Variants in SYT2 observed in about 807,000 individuals in gnomAD.
SYT2 encodes synaptotagmin 2.
In SYT2, 15 loss-of-function variants were observed where a neutral mutation model predicts 39.9. That is an observed-to-expected ratio of 0.38 (90% CI 0.25 to 0.58). The LOEUF (loss-of-function observed/expected upper bound fraction) is 0.58, where lower values mean the gene tolerates loss of function less well. SYT2 is among the 20% of genes least tolerant of loss of function. SYT2 has a pLI of 0.70. For missense variants in SYT2, 389 were observed against 530.3 expected (o/e 0.73, Z 2.62); for synonymous variants, 181 against 204.5 (o/e 0.89, Z 0.98).
In SYT2 at chr1:202,596,308, TACAC is replaced by T. The variant is rs60259163; in HGVS notation, c.*445_*448del. On this transcript the variant is annotated 3_prime_UTR_variant, in exon 9 of 9. Coordinates refer to ENST00000367268, the MANE Select transcript of SYT2 (RefSeq NM_177402.5). Reference sequence around the variant, plus strand: ...ACACACACACACACACACACACACATACACACACACACACACACACACACACACG... The same window carrying T: ...ACACACACACACACACACACACACATACACACACACACACACACACACACG... 13 of 88,032 alleles carry T rather than the reference TACAC, an allele frequency of 1.5e-4. No homozygotes were observed. The highest frequency in any genetic ancestry group is 3.0e-4 in the African/African-American group (9 of 29,700). The allele number at this position is 88,032 out of a possible 1,614,324, so 5.5% of individuals were successfully genotyped here.
At chr1:202,605,491 T>G (rs1572616229) in intron 2 of SYT2, 104 bp downstream of exon 2, 1 of 1,147,622 alleles carries the variant, frequency 8.7e-7, no homozygotes, top group East Asian at 2.4e-5. Context: ...ATCTAAGCAT[T>G]AGGAAAGAGC....
At position 202,699,155 on chromosome 1, in the gene SYT2, T is replaced by C. The variant is rs201323902; in HGVS notation, c.-18+11103A>G. Among the ~76,000 whole-genome samples, 29 of 152,026 alleles carry C rather than the reference T, an allele frequency of 1.9e-4. No homozygotes were observed. In the East Asian group the frequency reaches 5.2e-3, roughly 27 times the overall value. On this transcript the variant is annotated intron_variant, in intron 1 of 8. Transcript: ENST00000367268. ...CTCTTACCTCAGCCTCCCATGTAGC[T>C]GGGAATACAAGCATGCCACCACGTC...
chr1:202,650,986 G>A (rs370153195), intron 1 of SYT2, among the ~76,000 whole-genome samples: 1 of 152,128 alleles, frequency 6.6e-6, no homozygotes, highest in Non-Finnish European at 1.5e-5. Context: ...GGAAGAAGGG[G>A]CCGGGAGTGG....
At chr1:202,648,218 G>A (rs539947203) in intron 1 of SYT2, among the ~76,000 whole-genome samples, 7 of 152,292 alleles carry the variant, frequency 4.6e-5, no homozygotes, top group East Asian at 3.9e-4. Context: ...GCAGAGTCTC[G>A]CTCTGTTGCT....
rs1690301656 is a variant in SYT2, at chr1:202,596,493, G to A, written c.*264C>T. 5.4e-6 allele frequency: 2 copies of A among 369,858 alleles called. No homozygotes were observed. The highest frequency in any genetic ancestry group is 4.4e-5 in the Admixed American group (1 of 22,560). The allele number at this position is 369,858 out of a possible 1,614,324, so 22.9% of individuals were successfully genotyped here. On this transcript the variant is annotated 3_prime_UTR_variant, in exon 9 of 9. Coordinates refer to ENST00000367268, the MANE Select transcript of SYT2 (RefSeq NM_177402.5). ...GATGTGAAGCTTTGAAAGAGTCGAG[G>A]GAACTGTGACAGGGCATGCAGCAAG...
chr1:202,629,482 C>A (rs1487977952), intron 1 of SYT2, among the ~76,000 whole-genome samples: 2 of 152,324 alleles, frequency 1.3e-5, no homozygotes, highest in African/African-American at 4.8e-5. Context: ...GGGTATCTGA[C>A]CACATCCTCC....
intron 1 of SYT2, among the ~76,000 whole-genome samples, chr1:202,702,864 G>T (rs1050228779): frequency 6.6e-6 from 1 of 152,348 alleles, no homozygotes; most frequent in Middle Eastern, 3.4e-3. Context: ...GACAAGGACA[G>T]TCCTCAGAGA....
intron 1 of SYT2, among the ~76,000 whole-genome samples, chr1:202,686,255 G>A (rs781733661): frequency 1.1e-4 from 16 of 152,136 alleles, no homozygotes; most frequent in Non-Finnish European, 1.5e-4. Context: ...CTGCAGAACC[G>A]TGAACCAAGG....
chr1:202,666,253 T>C (rs1352740680), intron 1 of SYT2, among the ~76,000 whole-genome samples: 1 of 151,920 alleles, frequency 6.6e-6, no homozygotes, highest in African/African-American at 2.4e-5. Context: ...TGCCAAACAA[T>C]TAATTTCACT....
At chr1:202,658,070 C>A (rs1376275541) in intron 1 of SYT2, among the ~76,000 whole-genome samples, 1 of 152,112 alleles carries the variant, frequency 6.6e-6, no homozygotes, top group Non-Finnish European at 1.5e-5. Context: ...TTGGGCAAGT[C>A]ACCTTTCCTC....
rs12727359 is a variant in SYT2, at chr1:202,602,984, C to T, written c.465+15G>A. 5.4e-4 allele frequency: 845 copies of T among 1,571,972 alleles called. 3 individuals are homozygous for T. Among genetic ancestry groups the T allele is most frequent in the Non-Finnish European group, 6.8e-4 (791 of 1,158,778 alleles). On this transcript the variant is annotated intron_variant, in intron 4 of 8. Transcript: ENST00000367268. The stretch of plus-strand genomic sequence containing the variant: ...TCCCCATTCCCCCACTCTGCCCCCC[C>T]ACAGCCCTGCATACCTGATTAGCCT...
At chr1:202,644,566 C>G (rs1467684803) in intron 1 of SYT2, among the ~76,000 whole-genome samples, 1 of 152,128 alleles carries the variant, frequency 6.6e-6, no homozygotes, top group African/African-American at 2.4e-5. Context: ...ACCCCATCCT[C>G]GCCCTCTCCC....
chr1:202,616,258 C>T (rs1161605299), intron 1 of SYT2, among the ~76,000 whole-genome samples: 1 of 152,160 alleles, frequency 6.6e-6, no homozygotes, highest in African/African-American at 2.4e-5. Context: ...CCTCCTGACC[C>T]CTTGTGAGTT....
chr1:202,598,059 A>G (rs972540492), intron 8 of SYT2, among the ~76,000 whole-genome samples: 2 of 152,104 alleles, frequency 1.3e-5, no homozygotes, highest in Non-Finnish European at 2.9e-5. Context: ...GTGCCCTCCC[A>G]CTGTGAGGTC....
intron 1 of SYT2, among the ~76,000 whole-genome samples, chr1:202,616,357 C>A (rs1572626792): frequency 6.6e-6 from 1 of 152,154 alleles, no homozygotes; most frequent in East Asian, 1.9e-4. Flanking sequence ...CCTGCCCTTT[C>A]TTGTGCCTAA....
intron 1 of SYT2, chr1:202,639,518 G>A (rs577810758): frequency 7.1e-6 from 7 of 985,398 alleles, no homozygotes; most frequent in African/African-American, 1.7e-5. Flanking sequence ...TCGTCCTGCC[G>A]TGCCACTCAT....
intron 1 of SYT2, among the ~76,000 whole-genome samples, chr1:202,666,692 A>G (rs925071221): frequency 6.6e-6 from 1 of 152,174 alleles, no homozygotes; most frequent in South Asian, 2.1e-4. Flanking sequence ...TGTTTGAAAG[A>G]CCTAGAAGGC....
In SYT2 at chr1:202,593,815, T is replaced by A. The variant is rs1201568781; in HGVS notation, c.*2942A>T. 1 of 152,068 alleles carries A rather than the reference T, an allele frequency of 6.6e-6. No homozygotes were observed. The highest frequency in any genetic ancestry group is 1.9e-4 in the East Asian group (1 of 5,192). 9.4% of individuals were successfully genotyped at this position (152,068 alleles called of 1,614,324 possible). ...GGTCTCAGCTTCTCTAAAAATCACC[T>A]CTATACTACTTTCCTTTCTCTGGAA... On this transcript the variant is annotated 3_prime_UTR_variant, in exon 9 of 9. Transcript: ENST00000367268.
chr1:202,666,360 A>T (rs1692482416), intron 1 of SYT2, among the ~76,000 whole-genome samples: 1 of 152,150 alleles, frequency 6.6e-6, no homozygotes, highest in Admixed American at 6.5e-5. Context: ...TCCCTCAAAG[A>T]AGATTCCCAA....
Sources: allele counts gnomAD v4.1 joint callset (sites outside exome capture counted in the v4.1 genomes callset), GRCh38; gene constraint gnomAD v4.1.1; transcripts MANE v1.5; gene names NCBI Gene and HGNC (gene_info 2026-07-23, HGNC 2026-07-21).